The following HOMER1 variants were observed in gnomAD, a reference collection of about 807,000 sequenced individuals.
HOMER1 encodes homer scaffold protein 1.
In HOMER1, 3 loss-of-function variants were observed where a neutral mutation model predicts 48.9. The ratio of observed to expected loss-of-function variants is 0.06; its 90% confidence interval spans 0.03 to 0.16. The LOEUF (loss-of-function observed/expected upper bound fraction) is 0.16. Ranked by LOEUF, HOMER1 falls within the 10% of genes least tolerant of loss-of-function variation. The pLI, the probability that HOMER1 is intolerant of heterozygous loss-of-function variation, is 1.00. For synonymous variants in HOMER1, 134 were observed against 146.4 expected (o/e 0.92, Z 0.61); for missense variants, 247 against 411.4 (o/e 0.60, Z 3.46).
rs73122361 is a variant in HOMER1 at position 79,459,677 on chromosome 5, C to G, written c.6-2659G>C. Among the ~76,000 whole-genome samples, 677 of 152,246 alleles carry G rather than the reference C, an allele frequency of 4.4e-3. 3 individuals are homozygous for G. Among genetic ancestry groups the G allele is most frequent in the African/African-American group, 0.015 (632 of 41,550 alleles). ...TCTATTATATGCCAAGATGTAGGAT[C>G]CAGATGGTCCCTGCCCTTGAAAAAT... On this transcript the variant is annotated intron_variant, in intron 1 of 8. Transcript: ENST00000334082.
chr5:79,496,767 G>A (rs760081709), intron 1 of HOMER1, among the ~76,000 whole-genome samples: 1 of 151,914 alleles, frequency 6.6e-6, no homozygotes, highest in Non-Finnish European at 1.5e-5. Flanking sequence ...ATAATTCCGC[G>A]AATAGAAAAA....
chr5:79,500,995 A>ACACACACACACACACACACAC (rs1460147206), intron 1 of HOMER1, among the ~76,000 whole-genome samples: 8 of 124,130 alleles, frequency 6.4e-5, no homozygotes, highest in African/African-American at 3.0e-4. Flanking sequence ...CACACACACA[A>ACACACACACACACACACACAC]GGTCTGGCTC....
In HOMER1 at chr5:79,435,429, T is replaced by C. The variant is rs558326675; in HGVS notation, c.527+3581A>G. On this transcript the variant is annotated intron_variant, in intron 5 of 8. Coordinates refer to ENST00000334082, the MANE Select transcript of HOMER1 (RefSeq NM_004272.5). ...TATTTTTAGCACATAGACATTCTAG[T>C]GATTTTGCTCCTTATTTAGCAGTAA... Among the ~76,000 whole-genome samples the C allele has an allele frequency of 7.2e-5, 11 of 152,356 alleles. No homozygotes were observed. The South Asian group carries it at 2.3e-3, about 32-fold the overall frequency.
At chr5:79,454,956 A>G (rs1751129039) in intron 2 of HOMER1, among the ~76,000 whole-genome samples, 1 of 152,128 alleles carries the variant, frequency 6.6e-6, no homozygotes, top group African/African-American at 2.4e-5. Flanking sequence ...TACAGATGAG[A>G]AAACTGAGGC....
chr5:79,392,218 C>A (rs1347179014), intron 8 of HOMER1, among the ~76,000 whole-genome samples: 1 of 152,090 alleles, frequency 6.6e-6, no homozygotes, highest in Non-Finnish European at 1.5e-5. Context: ...TTTAAAAAAA[C>A]ATTAATTATC....
At chr5:79,479,881 A>G (rs780745331) in intron 1 of HOMER1, among the ~76,000 whole-genome samples, 8 of 152,232 alleles carry the variant, frequency 5.3e-5, no homozygotes, top group Non-Finnish European at 7.3e-5. Flanking sequence ...ATAAAATCTT[A>G]ATAAAAGGAA....
At chr5:79,482,523 T>C (rs1751975722) in intron 1 of HOMER1, among the ~76,000 whole-genome samples, 1 of 150,320 alleles carries the variant, frequency 6.7e-6, no homozygotes, top group South Asian at 2.1e-4. Context: ...AAAAAGCAGA[T>C]AAGGCATTAC....
chr5:79,486,993 C>T (rs1430991902), intron 1 of HOMER1, among the ~76,000 whole-genome samples: 2 of 152,128 alleles, frequency 1.3e-5, no homozygotes, highest in Non-Finnish European at 2.9e-5. Context: ...TGAAAGAATA[C>T]ATTTTGGCCA....
intron 8 of HOMER1, among the ~76,000 whole-genome samples, chr5:79,381,409 G>A (rs1384283475): frequency 6.6e-6 from 1 of 152,178 alleles, no homozygotes; most frequent in Admixed American, 6.5e-5. Context: ...TAAACCAGAT[G>A]TGTAGATATC....
intron 4 of HOMER1, among the ~76,000 whole-genome samples, chr5:79,443,549 A>G (rs1233635755): frequency 6.6e-6 from 1 of 152,190 alleles, no homozygotes; most frequent in African/African-American, 2.4e-5. Flanking sequence ...ATTTTTAAAG[A>G]TAACTGTTAG....
chr5:79,477,794 G>A (rs2112336130), intron 1 of HOMER1, among the ~76,000 whole-genome samples: 1 of 152,020 alleles, frequency 6.6e-6, no homozygotes, highest in East Asian at 1.9e-4. Flanking sequence ...TAGAAAACAG[G>A]TCCATGATAA....
chr5:79,465,787 G>A (rs1160873101), intron 1 of HOMER1, among the ~76,000 whole-genome samples: 1 of 151,614 alleles, frequency 6.6e-6, no homozygotes, highest in Non-Finnish European at 1.5e-5. Context: ...TAGAGATGGG[G>A]TTTCACCGTG....
chr5:79,442,943 A>G lies in HOMER1; in HGVS notation c.388-3794T>C, dbSNP rs111336172. ...CATTTCTGAAATCCATTTTGTGACA[A>G]CCACAGAAGTTCTTATAATCTGACT... On this transcript the variant is annotated intron_variant, in intron 4 of 8. Coordinates refer to ENST00000334082, the MANE Select transcript of HOMER1 (RefSeq NM_004272.5). Among the ~76,000 whole-genome samples the G allele has an allele frequency of 8.0e-3, 1,212 of 152,322 alleles. 6 individuals carry two copies. The highest frequency in any genetic ancestry group is 0.014 in the Non-Finnish European group (933 of 68,026).
intron 5 of HOMER1, among the ~76,000 whole-genome samples, chr5:79,405,637 A>G (rs1308579643): frequency 6.6e-6 from 1 of 152,054 alleles, no homozygotes; most frequent in African/African-American, 2.4e-5. Flanking sequence ...AGTATTTTCC[A>G]GTTATTACAC....
intron 5 of HOMER1, among the ~76,000 whole-genome samples, chr5:79,423,947 C>T (rs1051592155): frequency 6.6e-6 from 1 of 152,060 alleles, no homozygotes; most frequent in East Asian, 1.9e-4. Flanking sequence ...AACATGACAA[C>T]AATGACAGAC....
At chr5:79,440,933 G>A (rs1027031130) in intron 4 of HOMER1, among the ~76,000 whole-genome samples, 7 of 152,126 alleles carry the variant, frequency 4.6e-5, no homozygotes, top group Non-Finnish European at 8.8e-5. Context: ...CAAGGCAGGC[G>A]GATCACCTGA....
At chr5:79,398,331 A>G (rs1198031928) in intron 6 of HOMER1, among the ~76,000 whole-genome samples, 2 of 149,526 alleles carry the variant, frequency 1.3e-5, no homozygotes, top group African/African-American at 5.0e-5. Flanking sequence ...ACACACACAC[A>G]TGCACACACA....
At chr5:79,492,296 T>C (rs1752299375) in intron 1 of HOMER1, among the ~76,000 whole-genome samples, 1 of 152,322 alleles carries the variant, frequency 6.6e-6, no homozygotes, top group South Asian at 2.1e-4. Context: ...GGGGTACAGT[T>C]ACTTTGGGTG....
At chr5:79,454,883 TTTAC>T (rs1231413437) in intron 2 of HOMER1, among the ~76,000 whole-genome samples, 1 of 152,200 alleles carries the variant, frequency 6.6e-6, no homozygotes, top group Non-Finnish European at 1.5e-5. Flanking sequence ...TTTGCCTAAA[TTTAC>T]TTACTTTTCA....
Sources: allele counts gnomAD v4.1 joint callset (sites outside exome capture counted in the v4.1 genomes callset), GRCh38; gene constraint gnomAD v4.1.1; transcripts MANE v1.5; gene names NCBI Gene and HGNC (gene_info 2026-07-23, HGNC 2026-07-21).